Variants in HECTD2 observed in about 807,000 individuals in gnomAD.
HECTD2 encodes probable E3 ubiquitin-protein ligase HECTD2.
HECTD2 carries 35 observed loss-of-function variants against 103.2 expected under a neutral mutation model. That is an observed-to-expected ratio of 0.34 (90% CI 0.26 to 0.45). The LOEUF (loss-of-function observed/expected upper bound fraction) is 0.45. Among genes scored for constraint, HECTD2 ranks in the 20% least tolerant of loss-of-function variants. The pLI is 1.00. For missense variants in HECTD2, 596 were observed against 937.4 expected, an observed-to-expected ratio of 0.64 and a Z score of 4.76; for synonymous variants, 281 against 329.9, an observed-to-expected ratio of 0.85 and a Z score of 1.61.
At chr10:91,491,904 A>G (rs1462035782) in intron 12 of HECTD2, among the ~76,000 whole-genome samples, 1 of 152,086 alleles carries the variant, frequency 6.6e-6, no homozygotes, top group Non-Finnish European at 1.5e-5. Flanking sequence ...TGGTACAATC[A>G]AAGCTCACTG....
intron 2 of HECTD2, among the ~76,000 whole-genome samples, chr10:91,431,597 C>T (rs964501809): frequency 1.4e-4 from 22 of 152,060 alleles, no homozygotes; most frequent in African/African-American, 5.1e-4. Context: ...TCTTTTTTCT[C>T]TAAACTTCCC....
At chr10:91,491,708 A>G (rs986993138) in intron 12 of HECTD2, among the ~76,000 whole-genome samples, 1 of 152,216 alleles carries the variant, frequency 6.6e-6, no homozygotes, top group Admixed American at 6.5e-5. Context: ...GGTCTGACCT[A>G]CAGGGTATAT....
intron 2 of HECTD2, among the ~76,000 whole-genome samples, chr10:91,458,280 A>G (rs1344903929): frequency 6.6e-6 from 1 of 151,968 alleles, no homozygotes; most frequent in African/African-American, 2.4e-5. Context: ...AGAAATTAAG[A>G]TCTAAGTAAG....
chr10:91,432,152 T>G (rs538575033), intron 2 of HECTD2, among the ~76,000 whole-genome samples: 22 of 152,112 alleles, frequency 1.4e-4, no homozygotes, highest in African/African-American at 4.6e-4. Flanking sequence ...TAAGCATGTT[T>G]ATAGTTTCTT....
At chr10:91,478,178 T>G (rs1328198039) in intron 5 of HECTD2, 23 bp from the exon 6 acceptor site, 6 of 1,541,672 alleles carry the variant, frequency 3.9e-6, no homozygotes, top group Non-Finnish European at 5.4e-6. Context: ...CCTAATTACC[T>G]TACTGTTTTC....
chr10:91,492,021 A>AT (rs1428290855), intron 12 of HECTD2, among the ~76,000 whole-genome samples: 1 of 152,070 alleles, frequency 6.6e-6, no homozygotes, highest in African/African-American at 2.4e-5. Flanking sequence ...TAGCTATGTG[A>AT]TTTTTTAAAG....
At chr10:91,511,774 C>A (rs1847432048) in intron 20 of HECTD2, among the ~76,000 whole-genome samples, 1 of 152,160 alleles carries the variant, frequency 6.6e-6, no homozygotes, top group South Asian at 2.1e-4. Context: ...TCCTGTTGTG[C>A]AGCCCAGTTC....
chr10:91,467,888 C>G (rs1845587581), intron 5 of HECTD2, among the ~76,000 whole-genome samples: 1 of 151,524 alleles, frequency 6.6e-6, no homozygotes, highest in Non-Finnish European at 1.5e-5. Flanking sequence ...AGCCCCCCCA[C>G]CATGCTGACA....
intron 5 of HECTD2, among the ~76,000 whole-genome samples, chr10:91,469,638 T>C (rs72819214): frequency 3.3e-3 from 495 of 152,306 alleles, no homozygotes; most frequent in Non-Finnish European, 5.7e-3. Context: ...TGTTACCGGC[T>C]GCCACAAAAA....
At chr10:91,454,151 T>C (rs1322184481) in intron 2 of HECTD2, among the ~76,000 whole-genome samples, 1 of 152,076 alleles carries the variant, frequency 6.6e-6, no homozygotes, top group African/African-American at 2.4e-5. Flanking sequence ...GTATGTAGAA[T>C]ATAGAATACC....
intron 2 of HECTD2, among the ~76,000 whole-genome samples, chr10:91,444,825 G>A (rs930760787): frequency 2.6e-5 from 4 of 152,232 alleles, no homozygotes; most frequent in Middle Eastern, 3.4e-3. Flanking sequence ...ATAATACAGT[G>A]AAAAAAGCCA....
At chr10:91,483,861 G>T (rs901747428) in intron 8 of HECTD2, among the ~76,000 whole-genome samples, 1 of 151,646 alleles carries the variant, frequency 6.6e-6, no homozygotes, top group Non-Finnish European at 1.5e-5. Context: ...TTGAACTCAC[G>T]GCTAGCAGCA....
At chr10:91,476,033 C>A (rs1270989267) in intron 5 of HECTD2, among the ~76,000 whole-genome samples, 1 of 152,190 alleles carries the variant, frequency 6.6e-6, no homozygotes, top group South Asian at 2.1e-4. Flanking sequence ...TACAGTCCTT[C>A]AGAATTGGCC....
intron 20 of HECTD2, among the ~76,000 whole-genome samples, chr10:91,505,928 A>G (rs1212910101): frequency 2.0e-5 from 3 of 152,082 alleles, no homozygotes; most frequent in Non-Finnish European, 4.4e-5. Flanking sequence ...ACTATCTCTC[A>G]GACCACAGTG....
chr10:91,506,294 A>G (rs1262045365), intron 20 of HECTD2, among the ~76,000 whole-genome samples: 1 of 152,254 alleles, frequency 6.6e-6, no homozygotes, highest in Non-Finnish European at 1.5e-5. Flanking sequence ...TGAAGGAAAT[A>G]GAGACACAGA....
At chr10:91,426,147 AG>A (rs2133037279) in intron 2 of HECTD2, among the ~76,000 whole-genome samples, 1 of 152,152 alleles carries the variant, frequency 6.6e-6, no homozygotes, top group South Asian at 2.1e-4. Context: ...TTGTACTTTG[AG>A]CATAGAGGGG....
At chr10:91,426,653 T>A (rs1018088266) in intron 2 of HECTD2, among the ~76,000 whole-genome samples, 14 of 151,664 alleles carry the variant, frequency 9.2e-5, no homozygotes, top group African/African-American at 3.1e-4. Flanking sequence ...ACACTCTAAT[T>A]TCTATCTACT....
At chr10:91,416,565 A>C (rs553077909) in intron 1 of HECTD2, among the ~76,000 whole-genome samples, 64 of 141,622 alleles carry the variant, frequency 4.5e-4, no homozygotes, top group Admixed American at 9.9e-4. Context: ...TGTACTATCT[A>C]GATTTGTATA....
chr10:91,488,376 C>T (rs950714927), intron 11 of HECTD2: 6 of 152,304 alleles, frequency 3.9e-5, no homozygotes, highest in Non-Finnish European at 7.3e-5. Context: ...CTCAGTCTGT[C>T]CTTACCACTT....
Sources: gnomAD v4.1 joint callset for allele counts (sites outside exome capture counted in the v4.1 genomes callset) on GRCh38, gnomAD v4.1.1 for gene constraint, MANE v1.5 for transcripts, NCBI Gene and HGNC (gene_info 2026-07-23, HGNC 2026-07-21) for gene names.